TTC3: variants seen among roughly 807,000 people sequenced by gnomAD.
TTC3 encodes E3 ubiquitin-protein ligase TTC3.
Under a neutral mutation model 249.6 loss-of-function variants are expected in TTC3, and 180 were observed. The ratio of observed to expected loss-of-function variants is 0.72; its 90% confidence interval spans 0.64 to 0.82. The LOEUF (loss-of-function observed/expected upper bound fraction) is 0.82, where lower values mean the gene tolerates loss of function less well. Ranked by LOEUF, TTC3 falls within the 40% of genes least tolerant of loss-of-function variation. The pLI is 0.00. For synonymous variants in TTC3, 717 were observed against 805.0 expected, an observed-to-expected ratio of 0.89 and a Z score of 1.85; for missense variants, 2,061 against 2,398.4, an observed-to-expected ratio of 0.86 and a Z score of 2.94.
At chr21:37,119,079 G>A (rs181943074) in intron 11 of TTC3, among the ~76,000 whole-genome samples, 80 of 152,302 alleles carry the variant, frequency 5.3e-4, no homozygotes, top group African/African-American at 1.6e-3. Context: ...CCTGGTAATT[G>A]TAGATGGATG....
At chr21:37,166,940 G>A (rs948462665) in intron 33 of TTC3, among the ~76,000 whole-genome samples, 55 of 152,142 alleles carry the variant, frequency 3.6e-4, no homozygotes, top group African/African-American at 1.3e-3. Flanking sequence ...CTGTTTGTAG[G>A]AAAGTTCAAG....
At chr21:37,120,308 G>A (rs1370193634) in intron 11 of TTC3, among the ~76,000 whole-genome samples, 1 of 152,146 alleles carries the variant, frequency 6.6e-6, no homozygotes, top group Admixed American at 6.5e-5. Flanking sequence ...ACTTCAGTAG[G>A]GAGGTCTGAA....
At chr21:37,169,501 G>A (rs555955763) in intron 34 of TTC3, among the ~76,000 whole-genome samples, 4 of 151,744 alleles carry the variant, frequency 2.6e-5, no homozygotes, top group Non-Finnish European at 4.4e-5. Flanking sequence ...CCAAGATCAC[G>A]CCAGTGTACT....
At chr21:37,077,728 C>G (rs1436386003) in intron 1 of TTC3, among the ~76,000 whole-genome samples, 1 of 152,112 alleles carries the variant, frequency 6.6e-6, no homozygotes, top group Non-Finnish European at 1.5e-5. Context: ...GTCTTTGTTT[C>G]CTTTTTATGA....
intron 8 of TTC3, among the ~76,000 whole-genome samples, chr21:37,094,354 G>T (rs976996270): frequency 6.6e-6 from 1 of 152,172 alleles, no homozygotes; most frequent in Non-Finnish European, 1.5e-5. Context: ...TGTAATTCAT[G>T]TGCTACACTG....
In TTC3 at chr21:37,156,209, T is replaced by TTTGG. The variant is rs777568704; in HGVS notation, c.2741-444_2741-443insGGTT. 4.8e-4 allele frequency among the ~76,000 whole-genome samples: 13 copies of TTTGG among 27,322 alleles called. No individual in the cohort carries two copies. The South Asian group carries it at 6.6e-3, about 14-fold the overall frequency. 17.9% of individuals were successfully genotyped at this position (27,322 alleles called of 152,430 possible). ...TTACCACCATGCCTGGCTAACTCTT[T>TTTGG]TTTTTTTTGTAAAGATAGGGGTCTT... is the stretch of plus-strand genomic sequence containing the variant. On this transcript the variant is annotated intron_variant, in intron 27 of 45. Transcript: ENST00000355666.
At chr21:37,154,163 T>G (rs2079762493) in intron 27 of TTC3, among the ~76,000 whole-genome samples, 1 of 152,172 alleles carries the variant, frequency 6.6e-6, no homozygotes, top group Non-Finnish European at 1.5e-5. Context: ...CCTAGCACAA[T>G]AGTTCATTCA....
chr21:37,116,492 T>G (rs921376258), intron 11 of TTC3, among the ~76,000 whole-genome samples: 8 of 152,226 alleles, frequency 5.3e-5, no homozygotes, highest in South Asian at 2.1e-4. Context: ...TTTCCTAAAT[T>G]ATAAAAATAT....
chr21:37,154,392 G>A (rs561383375), intron 27 of TTC3, among the ~76,000 whole-genome samples: 1 of 152,348 alleles, frequency 6.6e-6, no homozygotes, highest in South Asian at 2.1e-4. Context: ...GCCTGGCATA[G>A]TTAGACAGCT....
chr21:37,197,842 C>T (rs2085084969), intron 43 of TTC3, 40 bp from the exon 44 acceptor site: 7 of 1,588,738 alleles, frequency 4.4e-6, no homozygotes, highest in African/African-American at 1.4e-5. Context: ...CTGGTTGCTT[C>T]CCTCTTGTCC....
At chr21:37,080,325 G>A (rs1377662263) in intron 1 of TTC3, among the ~76,000 whole-genome samples, 2 of 148,482 alleles carry the variant, frequency 1.3e-5, no homozygotes, top group Admixed American at 6.7e-5. Context: ...TTTAATTATC[G>A]ATTTCTTACT....
chr21:37,105,507 A>G (rs745566431), intron 10 of TTC3, among the ~76,000 whole-genome samples: 1 of 152,148 alleles, frequency 6.6e-6, no homozygotes, highest in Admixed American at 6.5e-5. Context: ...ACTTTGTCTT[A>G]TGTCCTTTAA....
chr21:37,111,441 C>T (rs1437270640), intron 11 of TTC3, among the ~76,000 whole-genome samples: 1 of 152,054 alleles, frequency 6.6e-6, no homozygotes, highest in African/African-American at 2.4e-5. Flanking sequence ...CAACAAAGAT[C>T]AAAAGAGACA....
intron 36 of TTC3, 104 bp downstream of exon 36, chr21:37,183,017 AG>A: frequency 9.9e-7 from 1 of 1,006,486 alleles, no homozygotes; most frequent in South Asian, 2.1e-5. Context: ...CATCAAGTAA[AG>A]TAAAAATGAA....
intron 38 of TTC3, chr21:37,188,231 T>C (rs1569176930): frequency 3.1e-6 from 1 of 318,104 alleles, no homozygotes; most frequent in Non-Finnish European, 6.0e-6. Flanking sequence ...TGCTTATATA[T>C]AGCTTAAGCA....
At chr21:37,099,844 G>A (rs1452205278) in intron 10 of TTC3, among the ~76,000 whole-genome samples, 2 of 152,288 alleles carry the variant, frequency 1.3e-5, no homozygotes, top group African/African-American at 4.8e-5. Flanking sequence ...CTTCATGATA[G>A]CATTGTTTGT....
chr21:37,165,607 C>T (rs777832294), exon 33 of TTC3: 1 of 1,613,886 alleles, frequency 6.2e-7, no homozygotes, highest in Non-Finnish European at 8.5e-7. Context: ...ACAAGATGTT[C>T]TCTGCAGAAT....
intron 10 of TTC3, among the ~76,000 whole-genome samples, chr21:37,097,245 A>G (rs1435891768): frequency 6.6e-6 from 1 of 152,180 alleles, no homozygotes; most frequent in Non-Finnish European, 1.5e-5. Context: ...AGATTGAGAA[A>G]GATACTGCAC....
intron 1 of TTC3, among the ~76,000 whole-genome samples, chr21:37,075,645 G>GCTTGTAGCCACCTTGGCTTCT (rs2070744188): frequency 1.3e-5 from 2 of 152,144 alleles, no homozygotes; most frequent in African/African-American, 4.8e-5. Flanking sequence ...TGCTAAATTT[G>GCTTGTAGCCACCTTGGCTTCT]CTTGTAGCCA....
Sources: allele counts gnomAD v4.1 joint callset (sites outside exome capture counted in the v4.1 genomes callset), GRCh38; gene constraint gnomAD v4.1.1; transcripts MANE v1.5; gene names NCBI Gene and HGNC (gene_info 2026-07-23, HGNC 2026-07-21).